FRA10AC1: variants seen among roughly 807,000 people sequenced by gnomAD.
FRA10AC1 encodes the protein protein FRA10AC1.
Under a neutral mutation model 56.5 loss-of-function variants are expected in FRA10AC1, and 43 were observed. That is an observed-to-expected ratio of 0.76 (90% CI 0.60 to 0.98). FRA10AC1 has a LOEUF of 0.98. FRA10AC1 is among the 50% of genes least tolerant of loss of function. FRA10AC1 has a pLI of 0.00. For synonymous variants in FRA10AC1, 112 were observed against 110.5 expected (o/e 1.01, Z -0.09); for missense variants, 346 against 351.8 (o/e 0.98, Z 0.13).
intron 4 of FRA10AC1, among the ~76,000 whole-genome samples, chr10:93,696,502 G>A (rs2059238161): frequency 1.3e-5 from 2 of 152,204 alleles, no homozygotes; most frequent in Non-Finnish European, 2.9e-5. Context: ...TTACACTGTT[G>A]GTGGGAATGT....
intron 12 of FRA10AC1, chr10:93,673,615 G>C (rs1340713255): frequency 2.9e-6 from 1 of 350,488 alleles, no homozygotes; most frequent in East Asian, 7.4e-5. Flanking sequence ...CAAATGGACA[G>C]GTCAGATTTT....
intron 7 of FRA10AC1, among the ~76,000 whole-genome samples, chr10:93,688,400 C>T (rs1343370719): frequency 6.6e-6 from 1 of 152,034 alleles, no homozygotes; most frequent in African/African-American, 2.4e-5. Context: ...TAGGGCAGTG[C>T]AAGTATTCTC....
intron 11 of FRA10AC1, among the ~76,000 whole-genome samples, chr10:93,677,609 G>A (rs770389543): frequency 6.6e-5 from 10 of 152,278 alleles, no homozygotes; most frequent in Non-Finnish European, 1.5e-4. Flanking sequence ...TAAGAGAAAC[G>A]TGCTAGCAAA....
intron 12 of FRA10AC1, 145 bp downstream of exon 12, chr10:93,676,508 C>CT: frequency 3.9e-6 from 5 of 1,283,172 alleles, no homozygotes; most frequent in Non-Finnish European, 5.1e-6. Context: ...CACTTTTGGC[C>CT]TTTTTTCTAC....
At chr10:93,691,342 A>T (rs1026138625) in intron 7 of FRA10AC1, among the ~76,000 whole-genome samples, 1 of 151,904 alleles carries the variant, frequency 6.6e-6, no homozygotes, top group Non-Finnish European at 1.5e-5. Context: ...CACCTGGCTA[A>T]TTTTTTTTAG....
intron 10 of FRA10AC1, among the ~76,000 whole-genome samples, chr10:93,682,656 T>C (rs2058955978): frequency 6.6e-6 from 1 of 151,888 alleles, no homozygotes; most frequent in Non-Finnish European, 1.5e-5. Flanking sequence ...TAAAAAAAAA[T>C]TATCCAGGTT....
chr10:93,693,512 C>CATATATATATAT lies in FRA10AC1; in HGVS notation c.297-795_297-784dup, dbSNP rs1273110067. ...TATATATATATATATATATATACAC[C>CATATATATATAT]ATATATATATATATACACCATATAT... is the stretch of plus-strand genomic sequence containing the variant. On this transcript the variant is annotated intron_variant, in intron 5 of 13. Transcript: ENST00000359204. 3.7e-4 allele frequency among the ~76,000 whole-genome samples: 6 copies of CATATATATATAT among 16,316 alleles called. 1 individual carries two copies. Among genetic ancestry groups the CATATATATATAT allele is most frequent in the Admixed American group, 2.5e-3 (4 of 1,582 alleles). The allele number at this position is 16,316 out of a possible 152,430, so 10.7% of individuals were successfully genotyped here.
chr10:93,689,920 T>C (rs1361142698), intron 7 of FRA10AC1, among the ~76,000 whole-genome samples: 1 of 152,134 alleles, frequency 6.6e-6, no homozygotes, highest in Non-Finnish European at 1.5e-5. Flanking sequence ...TCCAGCTCAT[T>C]TAAGCCAGTG....
At chr10:93,699,444 T>C (rs866819579) in intron 2 of FRA10AC1, among the ~76,000 whole-genome samples, 1 of 152,224 alleles carries the variant, frequency 6.6e-6, no homozygotes, top group South Asian at 2.1e-4. Flanking sequence ...TGAGTTTCTA[T>C]GCACTGAAAG....
chr10:93,690,486 G>T (rs902723769), intron 7 of FRA10AC1, among the ~76,000 whole-genome samples: 25 of 151,898 alleles, frequency 1.6e-4, no homozygotes, highest in Non-Finnish European at 2.1e-4. Context: ...CCCTCAACTA[G>T]ACTAGCTTTT....
In FRA10AC1 at chr10:93,671,551, C is replaced by T. The variant is rs115561990; in HGVS notation, c.827-703G>A. 2.3e-3 allele frequency: 360 copies of T among 159,258 alleles called. 2 individuals are homozygous for T. The highest frequency in any genetic ancestry group is 7.8e-3 in the African/African-American group (325 of 41,578). 9.9% of individuals were successfully genotyped at this position (159,258 alleles called of 1,614,324 possible). A position where few individuals can be genotyped will look rare whatever the true frequency, so the allele number is the denominator to read the frequency against. On this transcript the variant is annotated intron_variant, in intron 12 of 13. Coordinates refer to ENST00000359204, the MANE Select transcript of FRA10AC1 (RefSeq NM_145246.5). ...TGATACATATGTACAAAGATGCACA[C>T]TGTGTAACAACAACAACAAAAAACC...
chr10:93,696,193 G>C (rs1411374227), intron 4 of FRA10AC1, among the ~76,000 whole-genome samples: 1 of 152,144 alleles, frequency 6.6e-6, no homozygotes. Context: ...GAAGACCTAT[G>C]GTATGACATG....
chr10:93,691,851 T>C (rs2059128776), intron 7 of FRA10AC1, 158 bp downstream of exon 7: 2 of 709,316 alleles, frequency 2.8e-6, no homozygotes, highest in Admixed American at 8.8e-5. Flanking sequence ...ACTCCACAGC[T>C]GCAGAGGTTA....
In FRA10AC1 at chr10:93,676,956, AT is replaced by A. The variant is rs544229835; in HGVS notation, c.788-266del. ...AAAATAATGAATACCTGCAAAAAAA[AT>A]CTCATATTGCTAAAAAGAAAACCTC... is the stretch of plus-strand genomic sequence containing the variant. On this transcript the variant is annotated intron_variant, in intron 11 of 13. Coordinates refer to ENST00000359204, the MANE Select transcript of FRA10AC1 (RefSeq NM_145246.5). Among the ~76,000 whole-genome samples, 120 of 152,346 alleles carry A rather than the reference AT, an allele frequency of 7.9e-4. 1 individual carries two copies. Among genetic ancestry groups the A allele is most frequent in the Non-Finnish European group, 7.6e-4 (52 of 68,018 alleles).
At chr10:93,687,304 T>C (rs774515677) in intron 8 of FRA10AC1, 100 bp downstream of exon 8, 5 of 940,812 alleles carry the variant, frequency 5.3e-6, no homozygotes, top group South Asian at 1.7e-5. Context: ...TTGTAGCTAA[T>C]AATTTCTTGT....
intron 13 of FRA10AC1, 123 bp from the exon 14 acceptor site, chr10:93,669,991 T>A (rs2058736363): frequency 1.8e-6 from 1 of 553,464 alleles, no homozygotes; most frequent in Admixed American, 3.7e-5. Flanking sequence ...CTGCTATATA[T>A]CAATATATTG....
At chr10:93,691,093 T>C (rs1292151532) in intron 7 of FRA10AC1, among the ~76,000 whole-genome samples, 2 of 152,216 alleles carry the variant, frequency 1.3e-5, no homozygotes, top group South Asian at 2.1e-4. Flanking sequence ...CACATATTTA[T>C]GCAACATTCC....
At chr10:93,678,588 T>C (rs2058880722) in intron 11 of FRA10AC1, among the ~76,000 whole-genome samples, 1 of 152,040 alleles carries the variant, frequency 6.6e-6, no homozygotes, top group African/African-American at 2.4e-5. Context: ...CCCAGCACTT[T>C]GGGGGGCCAA....
chr10:93,688,704 T>C (rs978636319), intron 7 of FRA10AC1, among the ~76,000 whole-genome samples: 2 of 152,060 alleles, frequency 1.3e-5, no homozygotes, highest in Non-Finnish European at 2.9e-5. Flanking sequence ...TTGGGAAGAT[T>C]ACTTGAACCT....
Sources: gnomAD v4.1 joint callset for allele counts (sites outside exome capture counted in the v4.1 genomes callset) on GRCh38, gnomAD v4.1.1 for gene constraint, MANE v1.5 for transcripts, NCBI Gene and HGNC (gene_info 2026-07-23, HGNC 2026-07-21) for gene names.